The following CCSER1 variants were observed in gnomAD, a reference collection of about 807,000 sequenced individuals.
CCSER1 encodes the protein serine-rich coiled-coil domain-containing protein 1.
In CCSER1, 41 loss-of-function variants were observed where a neutral mutation model predicts 82.0. That is an observed-to-expected ratio of 0.50 (90% CI 0.39 to 0.65). The LOEUF (loss-of-function observed/expected upper bound fraction) is 0.65. Among genes scored for constraint, CCSER1 ranks in the 30% least tolerant of loss-of-function variants. The pLI is 0.00. For synonymous variants in CCSER1, 414 were observed against 383.9 expected (o/e 1.08, Z -0.92); for missense variants, 1,119 against 1,064.2 (o/e 1.05, Z -0.72).
intron 4 of CCSER1, among the ~76,000 whole-genome samples, chr4:90,421,968 A>G (rs1756762248): frequency 6.6e-6 from 1 of 152,168 alleles, no homozygotes; most frequent in South Asian, 2.1e-4. Flanking sequence ...TTTGGGCCTC[A>G]GTCTCCCTAC....
intron 10 of CCSER1, among the ~76,000 whole-genome samples, chr4:91,507,361 T>G (rs1461039977): frequency 1.3e-5 from 2 of 152,172 alleles, no homozygotes; most frequent in Non-Finnish European, 2.9e-5. Context: ...GATTTTGATT[T>G]TCATTTCTTC....
intron 8 of CCSER1, among the ~76,000 whole-genome samples, chr4:90,836,736 C>T (rs1177484713): frequency 6.6e-6 from 1 of 152,148 alleles, no homozygotes; most frequent in African/African-American, 2.4e-5. Flanking sequence ...CTTCATGTCC[C>T]TCAGAACCTC....
At chr4:90,476,061 GGTGT>G (rs1398360604) in intron 5 of CCSER1, among the ~76,000 whole-genome samples, 1 of 149,630 alleles carries the variant, frequency 6.7e-6, no homozygotes, top group Non-Finnish European at 1.5e-5. Flanking sequence ...TGTGTGTGTG[GGTGT>G]GTGTGTATGT....
intron 4 of CCSER1, among the ~76,000 whole-genome samples, chr4:90,402,990 T>C (rs1753120741): frequency 6.6e-6 from 1 of 152,206 alleles, no homozygotes; most frequent in Admixed American, 6.5e-5. Context: ...ATACATGAAG[T>C]GCAATTCTAA....
At chr4:90,898,123 A>G (rs1451118163) in intron 8 of CCSER1, among the ~76,000 whole-genome samples, 1 of 151,312 alleles carries the variant, frequency 6.6e-6, no homozygotes, top group Non-Finnish European at 1.5e-5. Context: ...AGTAAGTCCC[A>G]TTTGTCTACT....
At chr4:90,323,919 A>T (rs1437135168) in intron 3 of CCSER1, among the ~76,000 whole-genome samples, 3 of 151,678 alleles carry the variant, frequency 2.0e-5, no homozygotes, top group Middle Eastern at 3.2e-3. Context: ...AATATGCGGT[A>T]TTTGGTTTTT....
intron 8 of CCSER1, among the ~76,000 whole-genome samples, chr4:90,827,557 A>T (rs1197747714): frequency 1.3e-5 from 2 of 152,222 alleles, no homozygotes; most frequent in Non-Finnish European, 2.9e-5. Context: ...GTTTCATCAA[A>T]AAGCACATAG....
At chr4:91,255,967 A>C (rs915107514) in intron 10 of CCSER1, among the ~76,000 whole-genome samples, 3 of 152,204 alleles carry the variant, frequency 2.0e-5, no homozygotes, top group Non-Finnish European at 4.4e-5. Flanking sequence ...AGGATAACAG[A>C]GATGTTCAGG....
At chr4:90,130,659 T>A (rs536047466) in intron 1 of CCSER1, among the ~76,000 whole-genome samples, 48 of 152,282 alleles carry the variant, frequency 3.2e-4, no homozygotes, top group African/African-American at 9.4e-4. Flanking sequence ...ATTTTTGCTC[T>A]GTCACCCAGG....
At position 91,521,863 on chromosome 4, in the gene CCSER1, G is replaced by A. The variant is rs543009336; in HGVS notation, c.2218-76709G>A. Among the ~76,000 whole-genome samples the A allele has an allele frequency of 3.9e-4, 60 of 152,240 alleles. 1 individual carries two copies. In the South Asian group the frequency reaches 6.4e-3, roughly 16 times the overall value. ...CACTCTGATGGCAGTTCCTTTTGCC[G>A]TGCAGAAGCTCTTTAGTTTAATTAG... On this transcript the variant is annotated intron_variant, in intron 10 of 10. Transcript: ENST00000509176.
At position 90,601,642 on chromosome 4, in the gene CCSER1, T is replaced by A. The variant is rs184065589; in HGVS notation, c.1725-26383T>A. 6.8e-4 allele frequency among the ~76,000 whole-genome samples: 57 copies of A among 83,886 alleles called. No homozygotes were observed. The Middle Eastern group carries it at 0.017, about 25-fold the overall frequency. 55.0% of individuals were successfully genotyped at this position (83,886 alleles called of 152,430 possible). A position where few individuals can be genotyped will look rare whatever the true frequency, so the allele number is the denominator to read the frequency against. ...GTTCTTCAGCTGAAAGCTGGATGGC[T>A]TTTTTTTTTTTGAGACCTTATTTTT... On this transcript the variant is annotated intron_variant, in intron 5 of 10. Transcript: ENST00000509176.
chr4:91,021,767 A>G lies in CCSER1; in HGVS notation c.2173-64183A>G, dbSNP rs577487641. 5.3e-5 allele frequency among the ~76,000 whole-genome samples: 8 copies of G among 152,320 alleles called. No homozygotes were observed. The South Asian group carries it at 1.2e-3, about 24-fold the overall frequency. ...CACGAATTAATCATACAGCATCACA[A>G]CTGGCAGGAACAGTGACAACATTCT... On this transcript the variant is annotated intron_variant, in intron 9 of 10. Transcript: ENST00000509176.
intron 1 of CCSER1, among the ~76,000 whole-genome samples, chr4:90,258,093 G>C (rs1419340270): frequency 6.6e-6 from 1 of 152,130 alleles, no homozygotes; most frequent in Non-Finnish European, 1.5e-5. Flanking sequence ...GAAAGGAAGC[G>C]ATCTCAAACT....
chr4:91,018,094 G>GT (rs1424895437), intron 9 of CCSER1, among the ~76,000 whole-genome samples: 1 of 151,944 alleles, frequency 6.6e-6, no homozygotes, highest in East Asian at 1.9e-4. Flanking sequence ...AAATGATTGT[G>GT]TTTTTTTCTC....
At chr4:90,981,921 C>A (rs1342086533) in intron 9 of CCSER1, among the ~76,000 whole-genome samples, 1 of 151,920 alleles carries the variant, frequency 6.6e-6, no homozygotes, top group East Asian at 1.9e-4. Flanking sequence ...AGAGTAGCTA[C>A]ATTTGAGCTC....
At chr4:90,602,365 C>G (rs1784129906) in intron 5 of CCSER1, among the ~76,000 whole-genome samples, 1 of 151,680 alleles carries the variant, frequency 6.6e-6, no homozygotes, top group Non-Finnish European at 1.5e-5. Context: ...TATATATCAC[C>G]TTTCATTATT....
At chr4:91,416,901 A>T (rs1403845843) in intron 10 of CCSER1, among the ~76,000 whole-genome samples, 1 of 152,234 alleles carries the variant, frequency 6.6e-6, no homozygotes, top group Middle Eastern at 3.2e-3. Context: ...AGAAATTATC[A>T]TCAGAGTGAA....
At chr4:91,593,561 C>T (rs1764376416) in intron 10 of CCSER1, among the ~76,000 whole-genome samples, 1 of 149,370 alleles carries the variant, frequency 6.7e-6, no homozygotes, top group Admixed American at 6.8e-5. Flanking sequence ...ATCCGCCCAC[C>T]TCGGCCTCCC....
intron 7 of CCSER1, among the ~76,000 whole-genome samples, chr4:90,792,692 A>G (rs1662441906): frequency 6.6e-6 from 1 of 152,254 alleles, no homozygotes. Flanking sequence ...GCCCTGTAGG[A>G]CCATGCAATA....
Sources: gnomAD v4.1 joint callset for allele counts (sites outside exome capture counted in the v4.1 genomes callset) on GRCh38, gnomAD v4.1.1 for gene constraint, MANE v1.5 for transcripts, NCBI Gene and HGNC (gene_info 2026-07-23, HGNC 2026-07-21) for gene names.